The following SH3PXD2A variants were observed in gnomAD, a reference collection of about 807,000 sequenced individuals.
SH3PXD2A encodes SH3 and PX domain-containing protein 2A.
Under a neutral mutation model 115.2 loss-of-function variants are expected in SH3PXD2A, and 32 were observed. The observed-to-expected ratio is 0.28, with a 90% CI of 0.21 to 0.37. The LOEUF is 0.37. Among genes scored for constraint, SH3PXD2A ranks in the 10% least tolerant of loss-of-function variants. SH3PXD2A has a pLI of 1.00. For synonymous variants in SH3PXD2A, 610 were observed against 629.1 expected, an observed-to-expected ratio of 0.97 and a Z score of 0.45; for missense variants, 1,328 against 1,498.7, an observed-to-expected ratio of 0.89 and a Z score of 1.88.
At chr10:103,618,804 T>A (rs1004947037) in intron 10 of SH3PXD2A, among the ~76,000 whole-genome samples, 1 of 152,124 alleles carries the variant, frequency 6.6e-6, no homozygotes, top group African/African-American at 2.4e-5. Flanking sequence ...CTTGGCTGGA[T>A]GCTGGCGGGC....
intron 5 of SH3PXD2A, among the ~76,000 whole-genome samples, chr10:103,710,485 G>C (rs2038034810): frequency 6.6e-6 from 1 of 152,178 alleles, no homozygotes; most frequent in African/African-American, 2.4e-5. Context: ...GTAACCCTAT[G>C]CTGCCACTTC....
intron 8 of SH3PXD2A, among the ~76,000 whole-genome samples, chr10:103,641,704 T>C (rs959886282): frequency 1.3e-5 from 2 of 152,204 alleles, no homozygotes; most frequent in Admixed American, 1.3e-4. Context: ...CCCTGAGTCT[T>C]GGAAGAGTCG....
intron 4 of SH3PXD2A, among the ~76,000 whole-genome samples, chr10:103,729,534 G>A (rs2038288763): frequency 6.6e-6 from 1 of 152,222 alleles, no homozygotes; most frequent in South Asian, 2.1e-4. Context: ...GCTGAAATGA[G>A]TACGACTTTC....
chr10:103,682,643 G>A (rs552543715), intron 6 of SH3PXD2A, among the ~76,000 whole-genome samples: 1 of 152,204 alleles, frequency 6.6e-6, no homozygotes, highest in South Asian at 2.1e-4. Flanking sequence ...TGTAATCCCA[G>A]CTATTCAGGA....
chr10:103,836,567 C>T (rs1284126779), intron 1 of SH3PXD2A, among the ~76,000 whole-genome samples: 2 of 151,758 alleles, frequency 1.3e-5, no homozygotes, highest in Non-Finnish European at 2.9e-5. Context: ...CATCCATACA[C>T]ACACAACACA....
intron 10 of SH3PXD2A, among the ~76,000 whole-genome samples, chr10:103,617,779 C>T (rs1487528656): frequency 2.0e-5 from 3 of 152,216 alleles, no homozygotes; most frequent in Admixed American, 1.3e-4. Flanking sequence ...GATGAACTCT[C>T]CTATCCCTGC....
intron 5 of SH3PXD2A, among the ~76,000 whole-genome samples, chr10:103,715,836 C>T (rs2038099112): frequency 1.3e-5 from 2 of 152,224 alleles, no homozygotes; most frequent in African/African-American, 4.8e-5. Flanking sequence ...TCCAGCTGCA[C>T]TGCCACACAC....
chr10:103,594,212 T>G lies in SH3PXD2A; in HGVS notation c.*7604A>C, dbSNP rs935568980. On this transcript the variant is annotated 3_prime_UTR_variant, in exon 15 of 15. Coordinates refer to ENST00000369774, the MANE Select transcript of SH3PXD2A (RefSeq NM_001394015.1). ...CCTGGAAAGTGGCAGGCCAAGGGGC[T>G]GGTCCCTTCCCCAAGGGCACTGCAT... 1 of 152,644 alleles carries G rather than the reference T, an allele frequency of 6.6e-6. No homozygotes were observed. Among genetic ancestry groups the G allele is most frequent in the South Asian group, 2.1e-4 (1 of 4,826 alleles). The allele number at this position is 152,644 out of a possible 1,614,324, so 9.5% of individuals were successfully genotyped here.
At position 103,596,663 on chromosome 10, in the gene SH3PXD2A, A is replaced by ACACACACACACTCTCTCTCTCT; in HGVS notation, c.*5152_*5153insAGAGAGAGAGAGTGTGTGTGTG. On this transcript the variant is annotated 3_prime_UTR_variant, in exon 15 of 15. Coordinates refer to ENST00000369774, the MANE Select transcript of SH3PXD2A (RefSeq NM_001394015.1). ...CACACACACACACACACACACACAC[A>ACACACACACACTCTCTCTCTCT]CTCTCTCTCTCTCTCTCTCTCTCAC... 6.4e-5 allele frequency: 8 copies of ACACACACACACTCTCTCTCTCT among 124,510 alleles called. No individual in the cohort carries two copies. The highest frequency in any genetic ancestry group is 1.9e-4 in the African/African-American group (6 of 31,752). 7.7% of individuals were successfully genotyped at this position (124,510 alleles called of 1,614,324 possible). A position where few individuals can be genotyped will look rare whatever the true frequency, so the allele number is the denominator to read the frequency against.
intron 9 of SH3PXD2A, among the ~76,000 whole-genome samples, chr10:103,623,276 C>T (rs563209944): frequency 2.8e-5 from 4 of 141,308 alleles, no homozygotes; most frequent in African/African-American, 6.3e-5. Context: ...GGGGCCCCCT[C>T]CCCAGCTTCT....
At chr10:103,676,049 A>G (rs1229830342) in intron 6 of SH3PXD2A, among the ~76,000 whole-genome samples, 4 of 152,190 alleles carry the variant, frequency 2.6e-5, no homozygotes, top group South Asian at 2.1e-4. Flanking sequence ...CGGGGGAAAA[A>G]AAAAAGAAAA....
chr10:103,794,665 G>C (rs1428136636), intron 2 of SH3PXD2A, among the ~76,000 whole-genome samples: 3 of 152,186 alleles, frequency 2.0e-5, no homozygotes, highest in Non-Finnish European at 4.4e-5. Context: ...TCACCAAATG[G>C]GCCTCGACGT....
intron 7 of SH3PXD2A, chr10:103,661,870 G>T (rs1400253252): frequency 2.0e-6 from 2 of 985,128 alleles, no homozygotes; most frequent in Admixed American, 1.2e-4. Context: ...AACCCAAGAA[G>T]AAAGTCCCCG....
intron 13 of SH3PXD2A, 141 bp downstream of exon 13, chr10:103,611,440 C>G: frequency 1.2e-5 from 9 of 774,500 alleles, no homozygotes; most frequent in South Asian, 1.1e-4. Flanking sequence ...TGCCCCTAGC[C>G]CCACAAAACT....
chr10:103,667,842 A>G (rs545153019), intron 7 of SH3PXD2A, among the ~76,000 whole-genome samples: 1 of 152,274 alleles, frequency 6.6e-6, no homozygotes, highest in South Asian at 2.1e-4. Context: ...TCCTCCGACC[A>G]TCTCCATCCA....
intron 5 of SH3PXD2A, among the ~76,000 whole-genome samples, chr10:103,700,944 T>TC (rs561730358): frequency 1.1e-3 from 165 of 146,212 alleles, no homozygotes; most frequent in African/African-American, 4.0e-3. Context: ...TCCAAGTCCA[T>TC]CCATCATCCA....
chr10:103,745,687 G>A (rs140058030), intron 3 of SH3PXD2A, among the ~76,000 whole-genome samples: 75 of 152,276 alleles, frequency 4.9e-4, no homozygotes, highest in African/African-American at 1.8e-3. Flanking sequence ...CATTTCCCAG[G>A]CACCCAGTCC....
At chr10:103,679,645 A>C (rs566093239) in intron 6 of SH3PXD2A, among the ~76,000 whole-genome samples, 141 of 152,392 alleles carry the variant, frequency 9.3e-4, no homozygotes, top group African/African-American at 3.0e-3. Context: ...AGGAGCTCAC[A>C]GGCCAGAAGA....
intron 6 of SH3PXD2A, among the ~76,000 whole-genome samples, chr10:103,678,799 C>G (rs1172680027): frequency 1.3e-5 from 2 of 152,200 alleles, no homozygotes; most frequent in African/African-American, 4.8e-5. Flanking sequence ...AGATTCATGG[C>G]CTCCTTTGTC....
Sources: gnomAD v4.1 joint callset for allele counts (sites outside exome capture counted in the v4.1 genomes callset) on GRCh38, gnomAD v4.1.1 for gene constraint, MANE v1.5 for transcripts, NCBI Gene and HGNC (gene_info 2026-07-23, HGNC 2026-07-21) for gene names.